Variants in CHD6 observed in about 807,000 individuals in gnomAD.
The protein encoded by CHD6 is ATP-dependent chromatin remodeler CHD6.
A neutral mutation model predicts 276.9 loss-of-function variants in CHD6; 50 were observed. That is an observed-to-expected ratio of 0.18 (90% CI 0.14 to 0.23). The LOEUF is 0.23. Among genes scored for constraint, CHD6 ranks in the 10% least tolerant of loss-of-function variants. CHD6 has a pLI of 1.00. For synonymous variants in CHD6, 1,173 were observed against 1,229.3 expected (o/e 0.95, Z 0.96); for missense variants, 2,564 against 3,365.8 (o/e 0.76, Z 5.89).
intron 23 of CHD6, among the ~76,000 whole-genome samples, chr20:41,448,493 C>T (rs993262757): frequency 1.3e-5 from 2 of 152,222 alleles, no homozygotes; most frequent in African/African-American, 4.8e-5. Context: ...ATGCATCAAA[C>T]ATGTCTCAGA....
Position 41,425,197 on chromosome 20 carries a change from T to C in CHD6, c.4327A>G (p.Asn1443Asp), listed in dbSNP as rs1442832323. The change falls in exon 29 of 37, where the codon AAC (asparagine) becomes GAC (aspartate). Residue 1443 changes from asparagine to aspartate, a missense_variant. Physicochemically the swap from Asn to Asp is conservative, Grantham distance 23. This residue lies in a region of CHD6 where 515 missense variants were observed against 739.5 expected (regional missense o/e 0.70). Transcript: ENST00000373233. ...FRRTSEMDLI[N>D]KEAQKRWTRR... Reference sequence around the variant, plus strand: ...TTTTACCTCTTTTGGGCTTCCTTGTTGATGAGGTCCATTTCTGAGGTTCTC... The same window carrying C: ...TTTTACCTCTTTTGGGCTTCCTTGTCGATGAGGTCCATTTCTGAGGTTCTC... 1.9e-6 allele frequency: 3 copies of C among 1,614,106 alleles called. No individual in the cohort carries two copies. Among genetic ancestry groups the C allele is most frequent in the Non-Finnish European group, 2.5e-6 (3 of 1,180,034 alleles).
intron 5 of CHD6, among the ~76,000 whole-genome samples, chr20:41,508,325 TA>T (rs201201707): frequency 1.3e-5 from 2 of 151,208 alleles, no homozygotes; most frequent in Admixed American, 6.6e-5. Flanking sequence ...GCCACATCTT[TA>T]AAAAAAAACA....
In CHD6 at chr20:41,403,803, G is replaced by A. The variant is rs552319908; in HGVS notation, c.*790C>T. The A allele has an allele frequency of 1.1e-5, 12 of 1,058,314 alleles. No homozygotes were observed. Among genetic ancestry groups the A allele is most frequent in the African/African-American group, 6.6e-5 (4 of 60,760 alleles). 65.6% of individuals were successfully genotyped at this position (1,058,314 alleles called of 1,614,324 possible). On this transcript the variant is annotated 3_prime_UTR_variant, in exon 37 of 37. Coordinates refer to ENST00000373233, the MANE Select transcript of CHD6 (RefSeq NM_032221.5). Reference sequence around the variant, plus strand: ...GCTAGCCGTGTGCTTGTGAAGCAGCGTGTAGCTCTACGGAGCGCGGGTCCT... The same window carrying A: ...GCTAGCCGTGTGCTTGTGAAGCAGCATGTAGCTCTACGGAGCGCGGGTCCT...
intron 1 of CHD6, among the ~76,000 whole-genome samples, chr20:41,614,451 T>A (rs528935768): frequency 6.6e-6 from 1 of 152,278 alleles, no homozygotes; most frequent in South Asian, 2.1e-4. Flanking sequence ...ATCCTGATTC[T>A]TCAAAATAGG....
At chr20:41,593,473 G>T (rs568071169) in intron 1 of CHD6, among the ~76,000 whole-genome samples, 2 of 152,276 alleles carry the variant, frequency 1.3e-5, no homozygotes, top group Admixed American at 1.3e-4. Flanking sequence ...AGCACCCACA[G>T]GGGTCCCACA....
intron 1 of CHD6, among the ~76,000 whole-genome samples, chr20:41,604,836 C>T (rs2045811024): frequency 6.6e-6 from 1 of 152,108 alleles, no homozygotes; most frequent in Non-Finnish European, 1.5e-5. Flanking sequence ...CCTCGGACTA[C>T]CAGGTCAAAC....
intron 7 of CHD6, chr20:41,497,881 T>C (rs370081011): frequency 4.9e-5 from 22 of 445,122 alleles, no homozygotes; most frequent in East Asian, 2.9e-4. Context: ...CATATGAGAA[T>C]TGCCCAAGGA....
intron 17 of CHD6, among the ~76,000 whole-genome samples, chr20:41,458,899 T>G (rs2145703086): frequency 6.6e-6 from 1 of 152,290 alleles, no homozygotes. Flanking sequence ...AGGTCCTTCC[T>G]TATCTTGGCC....
chr20:41,605,765 G>C (rs1176132768), intron 1 of CHD6, among the ~76,000 whole-genome samples: 1 of 117,450 alleles, frequency 8.5e-6, no homozygotes, highest in African/African-American at 4.9e-5. Flanking sequence ...TAGTAAAATT[G>C]ACAAAATTTC....
chr20:41,442,448 T>A (rs914116859), intron 25 of CHD6, among the ~76,000 whole-genome samples: 1 of 152,104 alleles, frequency 6.6e-6, no homozygotes, highest in Non-Finnish European at 1.5e-5. Flanking sequence ...TGAGACCCTG[T>A]CTCTTAAAAA....
rs928961178 is a variant in CHD6, at chr20:41,571,775, T to C, written c.-23-20415A>G. On this transcript the variant is annotated intron_variant, in intron 1 of 36. Coordinates refer to ENST00000373233, the MANE Select transcript of CHD6 (RefSeq NM_032221.5). ...CTGGATCTTGTTTTAAAGCTTTTAC[T>C]TTTTGAATCAGGTTACACCATATTT... Among the ~76,000 whole-genome samples, 8 of 152,180 alleles carry C rather than the reference T, an allele frequency of 5.3e-5. No individual in the cohort carries two copies. In the East Asian group the frequency reaches 1.3e-3, roughly 26 times the overall value.
At position 41,421,276 on chromosome 20, in the gene CHD6, C is replaced by T. The variant is rs760029277; in HGVS notation, c.5359G>A (p.Glu1787Lys). The change falls in exon 31 of 37, where the codon GAA becomes AAA. Residue 1787 changes from glutamate (E) to lysine (K), a missense_variant. Physicochemically the swap from Glu to Lys is moderately conservative, Grantham distance 56. This residue lies in a region of CHD6 where 1,024 missense variants were observed against 1,047.9 expected (regional missense o/e 0.98). Transcript: ENST00000373233. ...GCCTCACTGCAGCAGAGCTCCCCTT[C>T]CTTTGAAATAGACATCAACAAATGT... ...GKHLLMSISK[E>K]GELCCSEAGQ... The T allele has an allele frequency of 9.0e-5, 146 of 1,613,992 alleles. No homozygotes were observed. The highest frequency in any genetic ancestry group is 1.2e-4 in the Non-Finnish European group (136 of 1,180,046).
intron 7 of CHD6, 134 bp from the exon 8 acceptor site, chr20:41,497,635 G>A (rs2043719804): frequency 1.4e-6 from 1 of 717,848 alleles, no homozygotes; most frequent in African/African-American, 1.8e-5. Flanking sequence ...CTGGAGATTG[G>A]GCTTAGAAAG....
At chr20:41,530,735 C>A (rs2044664151) in intron 3 of CHD6, among the ~76,000 whole-genome samples, 2 of 152,150 alleles carry the variant, frequency 1.3e-5, no homozygotes, top group Admixed American at 1.3e-4. Context: ...TAGAAGAATT[C>A]TATTATGTTA....
chr20:41,559,728 G>A (rs2045281270), intron 1 of CHD6, among the ~76,000 whole-genome samples: 2 of 152,064 alleles, frequency 1.3e-5, no homozygotes, highest in Admixed American at 6.5e-5. Context: ...AATGACCACT[G>A]CACATTTGCA....
At chr20:41,538,465 T>C (rs1056432694) in intron 2 of CHD6, among the ~76,000 whole-genome samples, 4 of 152,158 alleles carry the variant, frequency 2.6e-5, no homozygotes, top group African/African-American at 7.2e-5. Context: ...AGGCCACATA[T>C]TGTATAATTC....
At chr20:41,519,134 T>C (rs2044323001) in intron 3 of CHD6, among the ~76,000 whole-genome samples, 1 of 152,122 alleles carries the variant, frequency 6.6e-6, no homozygotes, top group Non-Finnish European at 1.5e-5. Context: ...AATACAAAAA[T>C]TAGCCGGGCA....
chr20:41,425,295 C>A lies in CHD6; in HGVS notation c.4229G>T (p.Arg1410Leu). 3 of 1,614,144 alleles carry A rather than the reference C, an allele frequency of 1.9e-6. No homozygotes were observed. The highest frequency in any genetic ancestry group is 2.5e-6 in the Non-Finnish European group (3 of 1,180,022). Reference sequence around the variant, plus strand: ...AATTTCAGGCCGGCACAGTTCCTTGCGGTTGCAGCGCTGGTAAACAGTGAC... The same window carrying A: ...AATTTCAGGCCGGCACAGTTCCTTGAGGTTGCAGCGCTGGTAAACAGTGAC... ...RLVTVYQRCN[R>L]KELCRPEILG... Residue 1410 changes from arginine to leucine, a missense_variant, in exon 29 of 37, where the codon CGC becomes CTC. Physicochemically the swap from Arg to Leu is moderately radical, Grantham distance 102. This residue lies in a region of CHD6 where 515 missense variants were observed against 739.5 expected (regional missense o/e 0.70). Coordinates refer to ENST00000373233, the MANE Select transcript of CHD6 (RefSeq NM_032221.5).
intron 1 of CHD6, among the ~76,000 whole-genome samples, chr20:41,561,403 C>A (rs2146185397): frequency 6.6e-6 from 1 of 152,254 alleles, no homozygotes; most frequent in East Asian, 1.9e-4. Context: ...CTAAAATGCT[C>A]CTCTAAAACC....
Sources: allele counts gnomAD v4.1 joint callset (sites outside exome capture counted in the v4.1 genomes callset), GRCh38; gene constraint gnomAD v4.1.1; regional missense constraint gnomAD v4.1.1; transcripts MANE v1.5; gene names NCBI Gene and HGNC (gene_info 2026-07-23, HGNC 2026-07-21).